Variants in LRFN5 observed in about 807,000 individuals in gnomAD.
LRFN5 encodes the protein leucine rich repeat and fibronectin type III domain containing 5.
LRFN5 carries 24 observed loss-of-function variants against 45.6 expected under a neutral mutation model. The ratio of observed to expected loss-of-function variants is 0.53; its 90% confidence interval spans 0.38 to 0.74. LRFN5 has a LOEUF of 0.74. Ranked by LOEUF, LRFN5 falls within the 30% of genes least tolerant of loss-of-function variation. LRFN5 has a pLI of 0.00. For missense variants in LRFN5, 776 were observed against 861.5 expected (o/e 0.90, Z 1.24); for synonymous variants, 340 against 313.8 (o/e 1.08, Z -0.88).
intron 1 of LRFN5, among the ~76,000 whole-genome samples, chr14:41,639,148 A>G (rs1879444110): frequency 6.6e-6 from 1 of 152,078 alleles, no homozygotes; most frequent in African/African-American, 2.4e-5. Context: ...TAATATATAT[A>G]TTACTAAAGA....
chr14:41,883,083 G>A (rs1358455154), intron 2 of LRFN5, among the ~76,000 whole-genome samples: 2 of 151,632 alleles, frequency 1.3e-5, no homozygotes, highest in South Asian at 4.2e-4. Flanking sequence ...TCCTGACCAC[G>A]TAATCTGTCC....
chr14:41,763,163 A>G (rs1293656270), intron 1 of LRFN5, among the ~76,000 whole-genome samples: 2 of 152,218 alleles, frequency 1.3e-5, no homozygotes, highest in African/African-American at 2.4e-5. Flanking sequence ...ATAAGGTTTT[A>G]TGATGAGTAC....
chr14:41,628,769 A>G (rs1888432863), intron 1 of LRFN5, among the ~76,000 whole-genome samples: 1 of 152,162 alleles, frequency 6.6e-6, no homozygotes, highest in Non-Finnish European at 1.5e-5. Flanking sequence ...CATTGAAGAT[A>G]TAGAGTGGAT....
At chr14:41,638,660 C>T (rs1006910647) in intron 1 of LRFN5, among the ~76,000 whole-genome samples, 9 of 151,940 alleles carry the variant, frequency 5.9e-5, no homozygotes, top group African/African-American at 2.2e-4. Flanking sequence ...GATATTAGTT[C>T]TTTAATAAAA....
intron 4 of LRFN5, chr14:41,892,209 T>A: frequency 2.0e-6 from 2 of 985,194 alleles, no homozygotes; most frequent in African/African-American, 1.7e-5. Context: ...TTCTTTTTCA[T>A]GAAAAATCAT....
intron 1 of LRFN5, among the ~76,000 whole-genome samples, chr14:41,716,114 A>C (rs1419986303): frequency 1.3e-5 from 2 of 152,130 alleles, no homozygotes; most frequent in Non-Finnish European, 2.9e-5. Flanking sequence ...ACAGGACACC[A>C]AGTCTCTAGG....
chr14:41,798,103 C>A (rs375095254), intron 2 of LRFN5, among the ~76,000 whole-genome samples: 18 of 151,962 alleles, frequency 1.2e-4, no homozygotes, highest in Admixed American at 3.3e-4. Context: ...AAACTGTTAT[C>A]CTCAGACAAC....
chr14:41,644,376 C>T (rs1313524678), intron 1 of LRFN5, among the ~76,000 whole-genome samples: 1 of 152,082 alleles, frequency 6.6e-6, no homozygotes, highest in African/African-American at 2.4e-5. Context: ...GGGATGAAGA[C>T]CATTTATGTT....
chr14:41,691,662 G>A (rs1882384274), intron 1 of LRFN5, among the ~76,000 whole-genome samples: 1 of 151,898 alleles, frequency 6.6e-6, no homozygotes, highest in Non-Finnish European at 1.5e-5. Context: ...TGAGTTTGGC[G>A]ATTTTTTAAC....
intron 1 of LRFN5, among the ~76,000 whole-genome samples, chr14:41,673,664 C>A (rs1313391297): frequency 1.5e-5 from 2 of 133,246 alleles, no homozygotes; most frequent in Admixed American, 1.5e-4. Context: ...GCTGGCCGGG[C>A]AGGGGGGCTG....
At chr14:41,728,103 G>A (rs572685777) in intron 1 of LRFN5, among the ~76,000 whole-genome samples, 6 of 152,196 alleles carry the variant, frequency 3.9e-5, no homozygotes, top group Admixed American at 6.6e-5. Context: ...TATCACTCCT[G>A]TTGGGGGTGG....
chr14:41,891,874 G>T lies in LRFN5; in HGVS notation c.2010G>T (p.Arg670Ser). The change falls in exon 4 of 6, where the codon AGG becomes AGT. Residue 670 changes from arginine (R) to serine (S), a missense_variant. By Grantham distance (110) the Arg-to-Ser change is moderately radical. This residue lies in a region of LRFN5 where 465 missense variants were observed against 456.4 expected (regional missense o/e 1.02). Transcript: ENST00000298119. ...VTNVESQNTN[R>S]NNSTALQLAS... Reference sequence around the variant, plus strand: ...ATGTTGAATCCCAAAACACTAACAGGAACAACTCAACTGCCTTGCAGTTAG... The same window carrying T: ...ATGTTGAATCCCAAAACACTAACAGTAACAACTCAACTGCCTTGCAGTTAG... 1 of 1,614,036 alleles carries T rather than the reference G, an allele frequency of 6.2e-7. No individual in the cohort carries two copies. Among genetic ancestry groups the T allele is most frequent in the Non-Finnish European group, 8.5e-7 (1 of 1,180,018 alleles).
chr14:41,695,004 C>G (rs570075383), intron 1 of LRFN5, among the ~76,000 whole-genome samples: 3 of 152,018 alleles, frequency 2.0e-5, no homozygotes, highest in Non-Finnish European at 4.4e-5. Flanking sequence ...CCAAACAGCT[C>G]AGTTGTAAAT....
At chr14:41,853,257 G>A (rs1367734643) in intron 2 of LRFN5, among the ~76,000 whole-genome samples, 3 of 151,908 alleles carry the variant, frequency 2.0e-5, no homozygotes, top group Non-Finnish European at 4.4e-5. Context: ...TATACAACAA[G>A]TGCCACCTTA....
chr14:41,658,874 G>T (rs1182547927), intron 1 of LRFN5, among the ~76,000 whole-genome samples: 1 of 151,880 alleles, frequency 6.6e-6, no homozygotes, highest in African/African-American at 2.4e-5. Flanking sequence ...GAAGATCAAA[G>T]TTGGTTTATC....
In LRFN5 at chr14:41,674,305, C is replaced by T. The variant is rs1183797895; in HGVS notation, c.-197+65743C>T. ...GCAGAGGCGTCCCTCACCTCCCGGA[C>T]GGGGCGGCTGGCCGGGCGGGGGGCC... On this transcript the variant is annotated intron_variant, in intron 1 of 5. Transcript: ENST00000298119. Among the ~76,000 whole-genome samples, 8 of 127,232 alleles carry T rather than the reference C, an allele frequency of 6.3e-5. No homozygotes were observed. The South Asian group carries it at 7.9e-4, about 13-fold the overall frequency. The allele number at this position is 127,232 out of a possible 152,430, so 83.5% of individuals were successfully genotyped here. A position where few individuals can be genotyped will look rare whatever the true frequency, so the allele number is the denominator to read the frequency against.
In LRFN5 at chr14:41,813,485, G is replaced by C. The variant is rs149377761; in HGVS notation, c.-21+46456G>C. Among the ~76,000 whole-genome samples, 470 of 152,160 alleles carry C rather than the reference G, an allele frequency of 3.1e-3. 14 individuals carry two copies. Among genetic ancestry groups the C allele is most frequent in the Admixed American group, 0.027 (411 of 15,270 alleles). On this transcript the variant is annotated intron_variant, in intron 2 of 5. Coordinates refer to ENST00000298119, the MANE Select transcript of LRFN5 (RefSeq NM_152447.5). ...CTGTGTTAGTTTGCTGAGAACAATG[G>C]TTTCCAGCTTCATCCATGTCCCTAC...
chr14:41,674,179 G>T (rs1242231808), intron 1 of LRFN5, among the ~76,000 whole-genome samples: 1 of 135,656 alleles, frequency 7.4e-6, no homozygotes, highest in African/African-American at 2.8e-5. Flanking sequence ...CCTCCCAGAC[G>T]GGGCGGCTGG....
intron 1 of LRFN5, among the ~76,000 whole-genome samples, chr14:41,758,726 A>C (rs1031638048): frequency 6.6e-6 from 1 of 152,202 alleles, no homozygotes. Context: ...TCTTTTATAC[A>C]TGACTGTTTA....
Sources: gnomAD v4.1 joint callset for allele counts (sites outside exome capture counted in the v4.1 genomes callset) on GRCh38, gnomAD v4.1.1 for gene constraint, gnomAD v4.1.1 regional missense constraint, MANE v1.5 for transcripts, NCBI Gene and HGNC (gene_info 2026-07-23, HGNC 2026-07-21) for gene names.